Variants in KAT6A observed in about 807,000 individuals in gnomAD.
KAT6A encodes the protein lysine acetyltransferase 6A, also known as histone acetyltransferase KAT6A.
A neutral mutation model predicts 198.4 loss-of-function variants in KAT6A; 9 were observed. The observed-to-expected ratio is 0.05, with a 90% confidence interval of 0.03 to 0.08. The LOEUF (loss-of-function observed/expected upper bound fraction) is 0.08, where lower values mean the gene tolerates loss of function less well. Among genes scored for constraint, KAT6A ranks in the 10% least tolerant of loss-of-function variants. The pLI, the probability that KAT6A is intolerant of heterozygous loss-of-function variation, is 1.00. For synonymous variants in KAT6A, 890 were observed against 883.0 expected (o/e 1.01, Z -0.14); for missense variants, 2,077 against 2,509.9 (o/e 0.83, Z 3.69).
At chr8:41,962,076 T>C (rs1823229471) in intron 8 of KAT6A, among the ~76,000 whole-genome samples, 1 of 152,200 alleles carries the variant, frequency 6.6e-6, no homozygotes, top group South Asian at 2.1e-4. Flanking sequence ...ACTTAGCTTC[T>C]AAGGAACTAC....
Position 41,955,393 on chromosome 8 carries a change from G to T in KAT6A, c.1501C>A (p.Pro501Thr), listed in dbSNP as rs1179898343. ...QALQKVGVTG[P>T]PDPQVRCPSV... ...GGACAGCGGACTTGTGGATCAGGGG[G>T]ACCAGTCACTCCAACTTTCTGTGCA... Residue 501 changes from proline to threonine, a missense_variant, in exon 9 of 17, where the codon CCC becomes ACC. Pro to Thr is a conservative substitution (Grantham distance 38). Transcript: ENST00000265713. The T allele has an allele frequency of 2.5e-6, 4 of 1,610,860 alleles. No individual in the cohort carries two copies. The highest frequency in any genetic ancestry group is 2.7e-5 in the African/African-American group (2 of 74,592).
At chr8:42,005,915 T>C (rs866978710) in intron 2 of KAT6A, among the ~76,000 whole-genome samples, 4 of 152,182 alleles carry the variant, frequency 2.6e-5, no homozygotes, top group African/African-American at 4.8e-5. Flanking sequence ...GACTCCCTTC[T>C]GAAAATGATT....
intron 3 of KAT6A, among the ~76,000 whole-genome samples, chr8:41,985,163 T>C (rs977428510): frequency 2.6e-4 from 40 of 152,168 alleles, no homozygotes; most frequent in African/African-American, 9.4e-4. Flanking sequence ...CTATGTTTTA[T>C]ATATTTGGGT....
At chr8:41,984,467 C>A (rs970092721) in intron 3 of KAT6A, among the ~76,000 whole-genome samples, 1 of 152,134 alleles carries the variant, frequency 6.6e-6, no homozygotes, top group Non-Finnish European at 1.5e-5. Context: ...ATCGTGGAAG[C>A]CTTCAGATGA....
rs1460369550 is a variant in KAT6A at position 42,049,148 on chromosome 8, G to A, written c.-171C>T. On this transcript the variant is annotated 5_prime_UTR_variant, in exon 2 of 17. Coordinates refer to ENST00000265713, the MANE Select transcript of KAT6A (RefSeq NM_006766.5). ...CACAAAACAGAATGCCACCCCAATTGTACTATAGAAACCAAAACAACCTGT... is the reference window on the plus strand; with the variant it reads ...CACAAAACAGAATGCCACCCCAATTATACTATAGAAACCAAAACAACCTGT... The A allele has an allele frequency of 3.1e-6, 2 of 655,100 alleles. No individual in the cohort carries two copies. The highest frequency in any genetic ancestry group is 2.1e-5 in the South Asian group (1 of 46,594). The allele number at this position is 655,100 out of a possible 1,614,324, so 40.6% of individuals were successfully genotyped here.
At chr8:42,044,188 C>A (rs985657981) in intron 2 of KAT6A, among the ~76,000 whole-genome samples, 6 of 151,158 alleles carry the variant, frequency 4.0e-5, no homozygotes, top group Admixed American at 4.0e-4. Flanking sequence ...ACAACCTCCG[C>A]CTCCTGGGTT....
intron 12 of KAT6A, among the ~76,000 whole-genome samples, chr8:41,945,364 G>C (rs552822553): frequency 6.6e-6 from 1 of 150,576 alleles, no homozygotes; most frequent in African/African-American, 2.5e-5. Context: ...TCCACCTCCC[G>C]GGTTCAAGCA....
chr8:41,987,579 C>T lies in KAT6A; in HGVS notation c.601-16G>A, dbSNP rs1189028597. On this transcript the variant is annotated splice_polypyrimidine_tract_variant and intron_variant, in intron 2 of 16. Transcript: ENST00000265713. ...CAGCAACCGGCTGTGAAGAAAAACA[C>T]AATTCATTCCAGTACTAATACTTTT... 1.4e-6 allele frequency: 2 copies of T among 1,404,192 alleles called. No individual in the cohort carries two copies. Among genetic ancestry groups the T allele is most frequent in the Non-Finnish European group, 2.0e-6 (2 of 990,508 alleles). The allele number at this position is 1,404,192 out of a possible 1,614,324, so 87.0% of individuals were successfully genotyped here. A position where few individuals can be genotyped will look rare whatever the true frequency, so the allele number is the denominator to read the frequency against.
chr8:41,985,400 G>A lies in KAT6A; in HGVS notation c.709+2055C>T, dbSNP rs3780019. On this transcript the variant is annotated intron_variant, in intron 3 of 16. Coordinates refer to ENST00000265713, the MANE Select transcript of KAT6A (RefSeq NM_006766.5). ...AAATCATACTTCTTAAGACTCCTTT[G>A]CAGCTAGGCTCTAAGTTCTGACAAG... is the stretch of plus-strand genomic sequence containing the variant. Among the ~76,000 whole-genome samples, 34 of 152,282 alleles carry A rather than the reference G, an allele frequency of 2.2e-4. No homozygotes were observed. The East Asian group carries it at 6.2e-3, about 28-fold the overall frequency.
chr8:41,966,061 C>A (rs965475055), intron 8 of KAT6A, among the ~76,000 whole-genome samples: 1 of 152,170 alleles, frequency 6.6e-6, no homozygotes, highest in African/African-American at 2.4e-5. Context: ...TCGGCTGAAT[C>A]ACCTTAGTTG....
chr8:41,941,181 T>C lies in KAT6A; in HGVS notation c.2700A>G (p.Gly900=). The change falls in exon 15 of 17, where the codon GGA becomes GGG. Residue 900 remains glycine (G), a synonymous_variant. Transcript: ENST00000265713. ...TGGCTTCTGATTTCTCCCCACATTC[T>C]CCATATTGTTCCTGAGGAGCTGAAG... The part of the protein sequence containing the change: ...ETSSAPQEQY[G]ECGEKSEATQ... 1 of 1,614,138 alleles carries C rather than the reference T, an allele frequency of 6.2e-7. No homozygotes were observed. Among genetic ancestry groups the C allele is most frequent in the Non-Finnish European group, 8.5e-7 (1 of 1,180,032 alleles).
At chr8:42,041,327 C>T (rs1385116032) in intron 2 of KAT6A, among the ~76,000 whole-genome samples, 1 of 152,094 alleles carries the variant, frequency 6.6e-6, no homozygotes. Context: ...TAATTCCTAA[C>T]CAGATTTACA....
intron 2 of KAT6A, among the ~76,000 whole-genome samples, chr8:42,029,323 G>T (rs1826992728): frequency 6.6e-6 from 1 of 152,072 alleles, no homozygotes; most frequent in East Asian, 1.9e-4. Flanking sequence ...TGTATCTTTT[G>T]TAAGATTCGA....
chr8:41,936,497 C>T (rs1246712865), intron 16 of KAT6A, among the ~76,000 whole-genome samples: 1 of 152,126 alleles, frequency 6.6e-6, no homozygotes, highest in African/African-American at 2.4e-5. Flanking sequence ...GAGATAAACA[C>T]ACTGCAGATG....
At chr8:42,038,949 G>C (rs2150926278) in intron 2 of KAT6A, among the ~76,000 whole-genome samples, 1 of 152,100 alleles carries the variant, frequency 6.6e-6, no homozygotes, top group Middle Eastern at 3.4e-3. Context: ...CACTACAAAT[G>C]GTTTCTTCAC....
rs760672266 is a variant in KAT6A at position 42,049,101 on chromosome 8, T to C, written c.-124A>G. The C allele has an allele frequency of 7.3e-5, 74 of 1,008,258 alleles. No individual in the cohort carries two copies. The highest frequency in any genetic ancestry group is 4.8e-4 in the Admixed American group (21 of 43,306). 62.5% of individuals were successfully genotyped at this position (1,008,258 alleles called of 1,614,324 possible). Reference sequence around the variant, plus strand: ...AGTTAACCATAGCATATGAGTTTTCTGGCCTAAGTCCTTCCTCCTTTCACA... The same window carrying C: ...AGTTAACCATAGCATATGAGTTTTCCGGCCTAAGTCCTTCCTCCTTTCACA... On this transcript the variant is annotated 5_prime_UTR_variant, in exon 2 of 17. Transcript: ENST00000265713.
At chr8:42,041,475 G>A (rs1270540526) in intron 2 of KAT6A, among the ~76,000 whole-genome samples, 2 of 152,190 alleles carry the variant, frequency 1.3e-5, no homozygotes, top group East Asian at 1.9e-4. Flanking sequence ...GGTGGCTGAC[G>A]CCTGTAATCC....
intron 2 of KAT6A, among the ~76,000 whole-genome samples, chr8:42,017,000 TC>T (rs1420301120): frequency 6.6e-5 from 10 of 152,144 alleles, no homozygotes; most frequent in Non-Finnish European, 1.5e-4. Flanking sequence ...AAAGATACTC[TC>T]AACACTTGTT....
intron 2 of KAT6A, among the ~76,000 whole-genome samples, chr8:42,037,334 AT>A (rs1267495689): frequency 6.6e-6 from 1 of 152,224 alleles, no homozygotes; most frequent in African/African-American, 2.4e-5. Flanking sequence ...TAAGTTAGAT[AT>A]TTAAAGATGC....
Sources: gnomAD v4.1 joint callset for allele counts (sites outside exome capture counted in the v4.1 genomes callset) on GRCh38, gnomAD v4.1.1 for gene constraint, MANE v1.5 for transcripts, NCBI Gene and HGNC (gene_info 2026-07-23, HGNC 2026-07-21) for gene names.